TTC28: variants seen among roughly 807,000 people sequenced by gnomAD.
The protein encoded by TTC28 is tetratricopeptide repeat domain 28.
TTC28 carries 61 observed loss-of-function variants against 198.0 expected under a neutral mutation model. The observed-to-expected ratio is 0.31, with a 90% confidence interval of 0.25 to 0.38. The LOEUF is 0.38. Ranked by LOEUF, TTC28 falls within the 10% of genes least tolerant of loss-of-function variation. The pLI is 1.00. For synonymous variants in TTC28, 1,171 were observed against 1,297.8 expected, an observed-to-expected ratio of 0.90 and a Z score of 2.10; for missense variants, 2,678 against 3,164.0, an observed-to-expected ratio of 0.85 and a Z score of 3.69.
intron 2 of TTC28, among the ~76,000 whole-genome samples, chr22:28,524,702 A>T (rs2048975661): frequency 6.6e-6 from 1 of 152,344 alleles, no homozygotes. Context: ...AAGAAATACA[A>T]ATTGACAAAG....
At chr22:28,465,770 G>A (rs928883634) in intron 2 of TTC28, among the ~76,000 whole-genome samples, 7 of 152,226 alleles carry the variant, frequency 4.6e-5, no homozygotes, top group Middle Eastern at 3.4e-3. Flanking sequence ...GGAATCAAAG[G>A]TTGATATGCT....
chr22:28,018,244 AGTGTGTGTGTGTGTGTGTGT>A (rs138612299), intron 13 of TTC28, among the ~76,000 whole-genome samples: 1 of 114,904 alleles, frequency 8.7e-6, no homozygotes, highest in Non-Finnish European at 1.7e-5. Flanking sequence ...GCTGCTATTC[AGTGTGTGTGTGTGTGTGTGT>A]GTGTGTGTGT....
chr22:28,622,409 C>T (rs1297567385), intron 2 of TTC28, among the ~76,000 whole-genome samples: 1 of 151,848 alleles, frequency 6.6e-6, no homozygotes, highest in East Asian at 1.9e-4. Context: ...ACTTAAGAAA[C>T]AGAGTTTGCA....
chr22:28,286,840 G>C (rs767185636), intron 5 of TTC28, among the ~76,000 whole-genome samples: 1 of 151,982 alleles, frequency 6.6e-6, no homozygotes, highest in Non-Finnish European at 1.5e-5. Flanking sequence ...ATTAAGAAAT[G>C]ATATGCAATA....
chr22:28,231,759 G>T (rs1347598627), intron 5 of TTC28, among the ~76,000 whole-genome samples: 1 of 152,204 alleles, frequency 6.6e-6, no homozygotes, highest in Non-Finnish European at 1.5e-5. Context: ...AAGAATCAAA[G>T]TCAAACATCA....
At chr22:28,179,227 T>A (rs151162116) in intron 5 of TTC28, among the ~76,000 whole-genome samples, 1 of 151,630 alleles carries the variant, frequency 6.6e-6, no homozygotes, top group East Asian at 1.9e-4. Flanking sequence ...TGGTGCAATC[T>A]CAGCTCACTA....
chr22:28,320,518 T>C (rs1217642312), intron 2 of TTC28, among the ~76,000 whole-genome samples: 1 of 152,216 alleles, frequency 6.6e-6, no homozygotes, highest in Admixed American at 6.5e-5. Flanking sequence ...CTGGCTGGCA[T>C]TTTAGTCTTT....
At chr22:28,577,761 TTGTC>T (rs1442987493) in intron 2 of TTC28, among the ~76,000 whole-genome samples, 3 of 152,208 alleles carry the variant, frequency 2.0e-5, no homozygotes, top group Admixed American at 6.6e-5. Flanking sequence ...GAAATCTACT[TTGTC>T]TGATATAAAT....
chr22:28,065,959 T>C (rs552771762), intron 12 of TTC28, among the ~76,000 whole-genome samples: 41 of 152,332 alleles, frequency 2.7e-4, no homozygotes, highest in African/African-American at 9.6e-4. Flanking sequence ...TTTATTCTTA[T>C]AGCATTTGCT....
At chr22:28,449,930 T>C (rs1040593227) in intron 2 of TTC28, among the ~76,000 whole-genome samples, 11 of 152,264 alleles carry the variant, frequency 7.2e-5, no homozygotes, top group Non-Finnish European at 1.3e-4. Context: ...CCCAAATGTT[T>C]CACCATCCGT....
intron 2 of TTC28, among the ~76,000 whole-genome samples, chr22:28,348,616 T>C (rs2045945482): frequency 1.3e-5 from 2 of 152,194 alleles, no homozygotes; most frequent in African/African-American, 4.8e-5. Flanking sequence ...CCACAAAGGC[T>C]ACAGAAATAT....
chr22:28,336,716 T>A (rs1270303551), intron 2 of TTC28, among the ~76,000 whole-genome samples: 2 of 152,216 alleles, frequency 1.3e-5, no homozygotes, highest in Admixed American at 6.5e-5. Context: ...TGCATCTATT[T>A]GATTCTTCTC....
chr22:28,148,200 A>T (rs376685203), intron 6 of TTC28, among the ~76,000 whole-genome samples: 4 of 152,368 alleles, frequency 2.6e-5, no homozygotes, highest in South Asian at 4.1e-4. Flanking sequence ...TCCTCAATTC[A>T]GTCTTCCTAC....
At chr22:28,475,008 A>G (rs2048142363) in intron 2 of TTC28, among the ~76,000 whole-genome samples, 1 of 151,988 alleles carries the variant, frequency 6.6e-6, no homozygotes, top group African/African-American at 2.4e-5. Context: ...CTTTACTAAA[A>G]AAGAACATTA....
chr22:28,402,572 T>C (rs1387084530), intron 2 of TTC28, among the ~76,000 whole-genome samples: 1 of 152,206 alleles, frequency 6.6e-6, no homozygotes, highest in Admixed American at 6.5e-5. Flanking sequence ...CTATCTGTAA[T>C]TATTTCTCAT....
chr22:28,567,814 G>A (rs898688516), intron 2 of TTC28, among the ~76,000 whole-genome samples: 1 of 151,902 alleles, frequency 6.6e-6, no homozygotes, highest in Non-Finnish European at 1.5e-5. Context: ...GGAATTTTCA[G>A]ACTGATGAGG....
Position 28,030,312 on chromosome 22 carries a change from T to C in TTC28, c.3987A>G (p.Gln1329=), listed in dbSNP as rs1488946258. Residue 1329 remains glutamine, a synonymous_variant, in exon 13 of 23, where the codon CAA becomes CAG. Transcript: ENST00000397906. ...ESEAGDIMDQ[Q]FEEMNNKLNS... ...TGAGTTTGTTGTTCATCTCTTCAAA[T>C]TGCTGGTCCATGATGTCTCCCGCTT... 5 of 1,551,808 alleles carry C rather than the reference T, an allele frequency of 3.2e-6. No individual in the cohort carries two copies. Among genetic ancestry groups the C allele is most frequent in the African/African-American group, 1.4e-5 (1 of 73,184 alleles).
At chr22:28,006,377 A>C (rs916739207) in intron 14 of TTC28, among the ~76,000 whole-genome samples, 1 of 152,246 alleles carries the variant, frequency 6.6e-6, no homozygotes, top group African/African-American at 2.4e-5. Flanking sequence ...CATATTGGTC[A>C]AATGCGAATT....
chr22:28,006,282 A>G (rs1016732620), intron 14 of TTC28, among the ~76,000 whole-genome samples: 1 of 152,218 alleles, frequency 6.6e-6, no homozygotes, highest in Non-Finnish European at 1.5e-5. Flanking sequence ...GCTAACATCC[A>G]TTCCTCACAG....
Sources: allele counts gnomAD v4.1 joint callset (sites outside exome capture counted in the v4.1 genomes callset), GRCh38; gene constraint gnomAD v4.1.1; transcripts MANE v1.5; gene names NCBI Gene and HGNC (gene_info 2026-07-23, HGNC 2026-07-21).